The following CWC27 variants were observed in gnomAD, a reference collection of about 807,000 sequenced individuals.
CWC27 encodes the protein CWC27 spliceosome associated cyclophilin, also known as spliceosome-associated protein CWC27 homolog.
Under a neutral mutation model 63.6 loss-of-function variants are expected in CWC27, and 47 were observed. The observed-to-expected ratio is 0.74, with a 90% CI of 0.58 to 0.94. The LOEUF is 0.94. CWC27 is among the 40% of genes least tolerant of loss of function. The pLI, the probability that CWC27 is intolerant of heterozygous loss-of-function variation, is 0.00. For synonymous variants in CWC27, 175 were observed against 179.8 expected (o/e 0.97, Z 0.22); for missense variants, 495 against 554.3 (o/e 0.89, Z 1.07).
At chr5:64,898,354 C>A (rs760017949) in intron 11 of CWC27, among the ~76,000 whole-genome samples, 4 of 151,606 alleles carry the variant, frequency 2.6e-5, no homozygotes, top group Non-Finnish European at 5.9e-5. Flanking sequence ...AAAATTAGCC[C>A]AATGAAGTAG....
At chr5:64,977,519 G>A (rs1040520692) in intron 13 of CWC27, among the ~76,000 whole-genome samples, 3 of 152,132 alleles carry the variant, frequency 2.0e-5, no homozygotes, top group Admixed American at 2.0e-4. Flanking sequence ...CCAGTTCTAA[G>A]TAACTTTCTA....
Position 64,773,372 on chromosome 5 carries a change from G to A in CWC27, c.43-1319G>A, listed in dbSNP as rs535299930. Among the ~76,000 whole-genome samples the A allele has an allele frequency of 1.6e-3, 237 of 152,268 alleles. 2 individuals carry two copies. Among genetic ancestry groups the A allele is most frequent in the Non-Finnish European group, 2.1e-3 (144 of 68,024 alleles). On this transcript the variant is annotated intron_variant, in intron 1 of 13. Transcript: ENST00000381070. The stretch of plus-strand genomic sequence containing the variant: ...AGCCAGACACAAAAGGCCACATATT[G>A]TATGATTCTGTTTATATGAAATGTT...
intron 10 of CWC27, among the ~76,000 whole-genome samples, chr5:64,841,869 G>A (rs1242633088): frequency 6.6e-6 from 1 of 151,894 alleles, no homozygotes; most frequent in Admixed American, 6.6e-5. Context: ...TAGTAGAGAT[G>A]GGGTTTCTCC....
At chr5:64,957,786 G>C (rs1748831153) in intron 11 of CWC27, among the ~76,000 whole-genome samples, 1 of 152,062 alleles carries the variant, frequency 6.6e-6, no homozygotes, top group Admixed American at 6.6e-5. Context: ...TGCTCCTCAA[G>C]GAGCAGTATA....
At chr5:64,973,706 C>G (rs1749168758) in intron 12 of CWC27, among the ~76,000 whole-genome samples, 1 of 152,060 alleles carries the variant, frequency 6.6e-6, no homozygotes, top group South Asian at 2.1e-4. Context: ...TAAAAATAGC[C>G]AAGAGGATGT....
intron 10 of CWC27, among the ~76,000 whole-genome samples, chr5:64,831,365 C>T (rs1745511198): frequency 6.6e-6 from 1 of 151,602 alleles, no homozygotes; most frequent in Non-Finnish European, 1.5e-5. Context: ...CACTCACTCA[C>T]ACTTGTAGAA....
At chr5:64,926,645 G>A (rs912762006) in intron 11 of CWC27, among the ~76,000 whole-genome samples, 1 of 152,034 alleles carries the variant, frequency 6.6e-6, no homozygotes, top group Non-Finnish European at 1.5e-5. Context: ...TTGCCAGAAT[G>A]TATGTTTGTT....
At chr5:64,776,121 G>GAA (rs1743443542) in intron 2 of CWC27, among the ~76,000 whole-genome samples, 2 of 116,174 alleles carry the variant, frequency 1.7e-5, no homozygotes, top group African/African-American at 6.3e-5. Flanking sequence ...GAGAGAGAGA[G>GAA]AATGAAAGGA....
chr5:64,782,124 C>T (rs1296201255), intron 3 of CWC27, 91 bp downstream of exon 3: 1 of 655,770 alleles, frequency 1.5e-6, no homozygotes, highest in East Asian at 3.0e-5. Flanking sequence ...TGATTGTGTT[C>T]CACAAGAGGA....
chr5:64,864,795 T>C (rs3887079), intron 10 of CWC27, among the ~76,000 whole-genome samples: 54,900 of 151,842 alleles, frequency 0.36, 10,471 homozygotes, highest in East Asian at 0.51. Context: ...TGTATACTTA[T>C]GGGGTACAAT....
chr5:64,821,938 A>G (rs922657932), intron 10 of CWC27, among the ~76,000 whole-genome samples: 11 of 152,330 alleles, frequency 7.2e-5, no homozygotes, highest in African/African-American at 2.4e-4. Flanking sequence ...ATATCCTGAT[A>G]ACTGCAGGAA....
At chr5:64,937,319 A>C (rs1252306851) in intron 11 of CWC27, among the ~76,000 whole-genome samples, 1 of 152,176 alleles carries the variant, frequency 6.6e-6, no homozygotes, top group Non-Finnish European at 1.5e-5. Context: ...TTGGTTTCAA[A>C]GAACTTATTT....
Position 64,801,220 on chromosome 5 carries a change from C to T in CWC27, c.750-82C>T, listed in dbSNP as rs1744473584. ...TTTTTGGAATGTTATTCCCAGCAAA[C>T]TATTCTAGATTTTTGGGTTACAAAA... is the stretch of plus-strand genomic sequence containing the variant. On this transcript the variant is annotated intron_variant, in intron 8 of 13. Transcript: ENST00000381070. 15 of 1,214,740 alleles carry T rather than the reference C, an allele frequency of 1.2e-5. No homozygotes were observed. The South Asian group carries it at 1.3e-4, about 11-fold the overall frequency. 75.2% of individuals were successfully genotyped at this position (1,214,740 alleles called of 1,614,324 possible).
intron 4 of CWC27, among the ~76,000 whole-genome samples, chr5:64,784,411 A>G (rs1743809354): frequency 6.6e-6 from 1 of 152,218 alleles, no homozygotes; most frequent in Admixed American, 6.5e-5. Flanking sequence ...ATTACTTTGA[A>G]TAGTACCTAT....
At chr5:64,828,570 A>G (rs1745429999) in intron 10 of CWC27, among the ~76,000 whole-genome samples, 1 of 151,808 alleles carries the variant, frequency 6.6e-6, no homozygotes. Flanking sequence ...GGGGCTTGAG[A>G]CCTCTCTTGG....
chr5:64,798,255 G>T (rs1465569007), intron 7 of CWC27, among the ~76,000 whole-genome samples: 1 of 152,140 alleles, frequency 6.6e-6, no homozygotes, highest in Admixed American at 6.6e-5. Flanking sequence ...CAATGTTTCT[G>T]AGGTCTCATG....
At chr5:64,781,157 C>T (rs1743674627) in intron 2 of CWC27, among the ~76,000 whole-genome samples, 1 of 152,040 alleles carries the variant, frequency 6.6e-6, no homozygotes, top group African/African-American at 2.4e-5. Context: ...TATACAGTCT[C>T]TCCTGTATAT....
chr5:64,774,838 A>G (rs1324842013), intron 2 of CWC27, 51 bp downstream of exon 2: 2 of 1,057,656 alleles, frequency 1.9e-6, no homozygotes, highest in Admixed American at 2.0e-5. Flanking sequence ...TTAAAAATAA[A>G]CTGCAGTGTC....
At chr5:64,851,716 T>C (rs1486298227) in intron 10 of CWC27, among the ~76,000 whole-genome samples, 1 of 152,206 alleles carries the variant, frequency 6.6e-6, no homozygotes, top group East Asian at 1.9e-4. Flanking sequence ...AGAAAATGTT[T>C]GAAAGGCATC....
Sources: gnomAD v4.1 joint callset for allele counts (sites outside exome capture counted in the v4.1 genomes callset) on GRCh38, gnomAD v4.1.1 for gene constraint, MANE v1.5 for transcripts, NCBI Gene and HGNC (gene_info 2026-07-23, HGNC 2026-07-21) for gene names.